DNER: variants seen among roughly 807,000 people sequenced by gnomAD.
DNER encodes the protein delta/notch like EGF repeat containing.
In DNER, 33 loss-of-function variants were observed where a neutral mutation model predicts 78.2. The ratio of observed to expected loss-of-function variants is 0.42; its 90% CI spans 0.32 to 0.56. DNER has a LOEUF of 0.56. Among genes scored for constraint, DNER ranks in the 20% least tolerant of loss-of-function variants. DNER has a pLI of 0.11. For synonymous variants in DNER, 417 were observed against 384.8 expected (o/e 1.08, Z -0.98); for missense variants, 918 against 975.3 (o/e 0.94, Z 0.78).
intron 1 of DNER, among the ~76,000 whole-genome samples, chr2:229,654,207 A>G (rs1440842786): frequency 2.0e-5 from 3 of 152,080 alleles, no homozygotes; most frequent in African/African-American, 7.2e-5. Flanking sequence ...GAGTGAGAAC[A>G]TATGGTGTTT....
chr2:229,483,166 G>T (rs1251315587), intron 6 of DNER, among the ~76,000 whole-genome samples: 1 of 152,134 alleles, frequency 6.6e-6, no homozygotes, highest in Non-Finnish European at 1.5e-5. Flanking sequence ...CACCCTGGAT[G>T]CCCAGGACTC....
At chr2:229,505,219 T>TGTGTGTGTG (rs56268741) in intron 6 of DNER, among the ~76,000 whole-genome samples, 79 of 149,294 alleles carry the variant, frequency 5.3e-4, no homozygotes, top group Non-Finnish European at 7.6e-4. Context: ...TGTGTGTGTG[T>TGTGTGTGTG]TGGCTACAAT....
intron 1 of DNER, among the ~76,000 whole-genome samples, chr2:229,595,490 C>G (rs1697695586): frequency 6.6e-6 from 1 of 152,158 alleles, no homozygotes; most frequent in African/African-American, 2.4e-5. Flanking sequence ...CCATGTTGGC[C>G]AGGCTGGTCT....
At chr2:229,438,601 G>A (rs375700850) in intron 8 of DNER, among the ~76,000 whole-genome samples, 2 of 152,160 alleles carry the variant, frequency 1.3e-5, no homozygotes, top group Non-Finnish European at 2.9e-5. Flanking sequence ...ATAGATAGTC[G>A]CTACTCTAGT....
At chr2:229,633,573 C>T (rs1401009685) in intron 1 of DNER, among the ~76,000 whole-genome samples, 1 of 152,122 alleles carries the variant, frequency 6.6e-6, no homozygotes, top group Non-Finnish European at 1.5e-5. Context: ...AAGATTTTAG[C>T]AGACAAAAAA....
intron 1 of DNER, among the ~76,000 whole-genome samples, chr2:229,621,118 T>C (rs1279767355): frequency 1.3e-5 from 2 of 152,208 alleles, no homozygotes; most frequent in African/African-American, 2.4e-5. Context: ...AGGACATCAT[T>C]ACTAAGTGCT....
chr2:229,682,208 A>T (rs1407611347), intron 1 of DNER, among the ~76,000 whole-genome samples: 3 of 152,184 alleles, frequency 2.0e-5, no homozygotes, highest in African/African-American at 7.2e-5. Context: ...TTTAGCCCAC[A>T]ATCTCTCCCA....
intron 6 of DNER, among the ~76,000 whole-genome samples, chr2:229,496,552 C>T (rs984641927): frequency 6.6e-6 from 1 of 151,900 alleles, no homozygotes; most frequent in Admixed American, 6.6e-5. Flanking sequence ...ATGATGCCTA[C>T]CAGAGATTCA....
chr2:229,361,941 A>T (rs2106324204), intron 12 of DNER, among the ~76,000 whole-genome samples: 1 of 152,274 alleles, frequency 6.6e-6, no homozygotes, highest in African/African-American at 2.4e-5. Flanking sequence ...TAGTGTTCAT[A>T]GTAACATGTT....
At chr2:229,640,898 C>T (rs1698608814) in intron 1 of DNER, among the ~76,000 whole-genome samples, 1 of 152,156 alleles carries the variant, frequency 6.6e-6, no homozygotes, top group African/African-American at 2.4e-5. Context: ...TGAGTAGGTG[C>T]AGCAGAATGT....
At chr2:229,635,361 G>GAA (rs58220819) in intron 1 of DNER, among the ~76,000 whole-genome samples, 7,914 of 85,516 alleles carry the variant, frequency 0.093, 531 homozygotes, top group East Asian at 0.17. Context: ...GGTCCCACAG[G>GAA]AAAAAAAAAA....
At chr2:229,687,247 T>C (rs1193391688) in intron 1 of DNER, among the ~76,000 whole-genome samples, 4 of 151,032 alleles carry the variant, frequency 2.6e-5, no homozygotes, top group Admixed American at 6.6e-5. Context: ...TCTCTGTTTA[T>C]ACAAATTTCC....
At chr2:229,440,180 T>C (rs1415236373) in intron 8 of DNER, among the ~76,000 whole-genome samples, 1 of 152,176 alleles carries the variant, frequency 6.6e-6, no homozygotes, top group Non-Finnish European at 1.5e-5. Flanking sequence ...CTTCCTCCCC[T>C]TGTATTAATT....
At chr2:229,661,006 A>G (rs927545946) in intron 1 of DNER, among the ~76,000 whole-genome samples, 1 of 152,140 alleles carries the variant, frequency 6.6e-6, no homozygotes. Flanking sequence ...ACCTAATTAC[A>G]TTGTTTATTG....
intron 10 of DNER, among the ~76,000 whole-genome samples, chr2:229,404,188 AG>A (rs1038242048): frequency 6.6e-6 from 1 of 152,058 alleles, no homozygotes; most frequent in African/African-American, 2.4e-5. Context: ...TGGAGGTAAG[AG>A]GGAAAAAGAG....
intron 1 of DNER, among the ~76,000 whole-genome samples, chr2:229,670,126 T>G (rs1392262869): frequency 6.6e-6 from 1 of 152,182 alleles, no homozygotes; most frequent in Non-Finnish European, 1.5e-5. Flanking sequence ...CATCAGGAAA[T>G]CATGGTTATT....
intron 1 of DNER, among the ~76,000 whole-genome samples, chr2:229,660,581 A>T (rs1176101291): frequency 6.6e-6 from 1 of 152,182 alleles, no homozygotes; most frequent in Non-Finnish European, 1.5e-5. Context: ...AGCCTGGTGG[A>T]GAAATGGTCC....
At chr2:229,634,194 G>A (rs1383099272) in intron 1 of DNER, among the ~76,000 whole-genome samples, 1 of 152,176 alleles carries the variant, frequency 6.6e-6, no homozygotes, top group Non-Finnish European at 1.5e-5. Flanking sequence ...GAACAAATAT[G>A]CATATAGAAT....
chr2:229,437,798 C>T (rs1694155529), intron 8 of DNER, among the ~76,000 whole-genome samples: 1 of 152,188 alleles, frequency 6.6e-6, no homozygotes, highest in African/African-American at 2.4e-5. Context: ...ACTATAATGT[C>T]ACCAGAGCCA....
Sources: allele counts gnomAD v4.1 joint callset (sites outside exome capture counted in the v4.1 genomes callset), GRCh38; gene constraint gnomAD v4.1.1; transcripts MANE v1.5; gene names NCBI Gene and HGNC (gene_info 2026-07-23, HGNC 2026-07-21).